Variants in MECOM observed in about 807,000 individuals in gnomAD.
The protein encoded by MECOM is histone-lysine N-methyltransferase MECOM.
A neutral mutation model predicts 116.3 loss-of-function variants in MECOM; 13 were observed. The ratio of observed to expected loss-of-function variants is 0.11; its 90% CI spans 0.07 to 0.18. The LOEUF is 0.18. Among genes scored for constraint, MECOM ranks in the 10% least tolerant of loss-of-function variants. MECOM has a pLI of 1.00. For synonymous variants in MECOM, 528 were observed against 535.2 expected (o/e 0.99, Z 0.19); for missense variants, 1,299 against 1,509.0 (o/e 0.86, Z 2.31).
intron 1 of MECOM, among the ~76,000 whole-genome samples, chr3:169,495,823 G>A (rs954873958): frequency 6.6e-6 from 1 of 152,174 alleles, no homozygotes; most frequent in Non-Finnish European, 1.5e-5. Flanking sequence ...ATGGCTGGCC[G>A]CTTACTAGCT....
intron 2 of MECOM, among the ~76,000 whole-genome samples, chr3:169,308,186 T>C (rs545405871): frequency 1.3e-5 from 2 of 152,294 alleles, no homozygotes; most frequent in South Asian, 4.1e-4. Flanking sequence ...GATGATAAAC[T>C]CCAGGAGAGC....
chr3:169,532,222 G>T lies in MECOM; in HGVS notation c.37+131114C>A, dbSNP rs556971263. Among the ~76,000 whole-genome samples, 10 of 152,260 alleles carry T rather than the reference G, an allele frequency of 6.6e-5. No homozygotes were observed. The South Asian group carries it at 2.1e-3, about 32-fold the overall frequency. On this transcript the variant is annotated intron_variant, in intron 1 of 16. Transcript: ENST00000651503. ...AGAGTTTCTGATTCAGTGTGTCTGG[G>T]GTGGAACCTGAGAATCTGCACTTCT...
chr3:169,264,539 C>T (rs1378250786), intron 2 of MECOM, among the ~76,000 whole-genome samples: 1 of 152,022 alleles, frequency 6.6e-6, no homozygotes, highest in Non-Finnish European at 1.5e-5. Context: ...CATATGGAGC[C>T]ACAGAATGCT....
intron 2 of MECOM, among the ~76,000 whole-genome samples, chr3:169,221,615 C>T (rs1752144581): frequency 6.7e-6 from 1 of 150,334 alleles, no homozygotes; most frequent in East Asian, 1.9e-4. Flanking sequence ...TCACTCTGGT[C>T]TGGTTTTGAA....
chr3:169,320,947 G>A (rs1054323926), intron 2 of MECOM, among the ~76,000 whole-genome samples: 5 of 152,150 alleles, frequency 3.3e-5, no homozygotes. Context: ...GCCAGTAACT[G>A]GATGAGAAAT....
At chr3:169,276,728 G>C (rs910501659) in intron 2 of MECOM, among the ~76,000 whole-genome samples, 2 of 152,048 alleles carry the variant, frequency 1.3e-5, no homozygotes, top group Admixed American at 1.3e-4. Context: ...AAGAAGGTAC[G>C]CATAAGAAGA....
intron 1 of MECOM, among the ~76,000 whole-genome samples, chr3:169,444,539 C>G (rs1744284888): frequency 6.6e-6 from 1 of 152,080 alleles, no homozygotes; most frequent in Non-Finnish European, 1.5e-5. Flanking sequence ...GCCTTTCACC[C>G]CCCGCCATGA....
At chr3:169,443,425 T>C (rs893217588) in intron 1 of MECOM, among the ~76,000 whole-genome samples, 10 of 152,206 alleles carry the variant, frequency 6.6e-5, no homozygotes, top group African/African-American at 2.4e-4. Context: ...TTGTGACCTA[T>C]GAAATAGGTT....
intron 1 of MECOM, among the ~76,000 whole-genome samples, chr3:169,441,736 T>C (rs528469125): frequency 7.0e-6 from 1 of 143,618 alleles, no homozygotes; most frequent in Admixed American, 7.0e-5. Context: ...TTCTTTTTTT[T>C]TTTTTTTTAA....
At chr3:169,526,011 G>A (rs1236259898) in intron 1 of MECOM, among the ~76,000 whole-genome samples, 2 of 146,494 alleles carry the variant, frequency 1.4e-5, no homozygotes, top group African/African-American at 5.2e-5. Flanking sequence ...CTGGGCATAA[G>A]AGCGAAAACC....
At chr3:169,460,805 G>A (rs1747314930) in intron 1 of MECOM, among the ~76,000 whole-genome samples, 1 of 152,120 alleles carries the variant, frequency 6.6e-6, no homozygotes, top group South Asian at 2.1e-4. Context: ...GGAAATGGCA[G>A]TGTGATAGCA....
intron 1 of MECOM, among the ~76,000 whole-genome samples, chr3:169,520,590 C>T (rs1317015151): frequency 1.3e-5 from 2 of 152,206 alleles, no homozygotes; most frequent in East Asian, 3.8e-4. Context: ...AGCTCTGGTA[C>T]ACCTTGGTAA....
At chr3:169,432,304 G>T (rs1224642534) in intron 1 of MECOM, among the ~76,000 whole-genome samples, 1 of 151,976 alleles carries the variant, frequency 6.6e-6, no homozygotes. Context: ...GATTACAGGG[G>T]TGCACCATCA....
At chr3:169,171,973 G>T (rs891933031) in intron 2 of MECOM, among the ~76,000 whole-genome samples, 5 of 152,076 alleles carry the variant, frequency 3.3e-5, no homozygotes, top group African/African-American at 1.2e-4. Context: ...CATTCAATGG[G>T]TTCTATCCAA....
At position 169,331,167 on chromosome 3, in the gene MECOM, T is replaced by C. The variant is rs868305457; in HGVS notation, c.375+50020A>G. 1.1e-4 allele frequency among the ~76,000 whole-genome samples: 16 copies of C among 152,232 alleles called. No individual in the cohort carries two copies. In the Middle Eastern group the frequency reaches 0.01, roughly 97 times the overall value. ...TACCACTACCACCAAGATATAGATA[T>C]TAATCTCATTTTGCAAATGAGAAAA... On this transcript the variant is annotated intron_variant, in intron 2 of 16. Transcript: ENST00000651503.
At chr3:169,636,773 C>T (rs1049752415) in intron 1 of MECOM, among the ~76,000 whole-genome samples, 12 of 152,182 alleles carry the variant, frequency 7.9e-5, no homozygotes, top group African/African-American at 2.9e-4. Context: ...CGAATTGGGA[C>T]ATCCGTCCAC....
At chr3:169,147,696 G>A (rs1259137813) in intron 2 of MECOM, 9 of 984,744 alleles carry the variant, frequency 9.1e-6, no homozygotes, top group Non-Finnish European at 1.1e-5. Context: ...CCGTTTCGAT[G>A]TCTTGAAAGC....
At chr3:169,367,856 T>C (rs1729450556) in intron 2 of MECOM, among the ~76,000 whole-genome samples, 2 of 151,980 alleles carry the variant, frequency 1.3e-5, no homozygotes, top group Admixed American at 1.3e-4. Context: ...GCATGTATAT[T>C]CCTCTGAGAA....
intron 7 of MECOM, among the ~76,000 whole-genome samples, chr3:169,118,412 A>G (rs1729876470): frequency 6.6e-6 from 1 of 152,204 alleles, no homozygotes; most frequent in Admixed American, 6.5e-5. Context: ...TCAGCTTTAA[A>G]AGTATATACA....
Sources: gnomAD v4.1 joint callset for allele counts (sites outside exome capture counted in the v4.1 genomes callset) on GRCh38, gnomAD v4.1.1 for gene constraint, MANE v1.5 for transcripts, NCBI Gene and HGNC (gene_info 2026-07-23, HGNC 2026-07-21) for gene names.